Variants in NPAS3 observed in about 807,000 individuals in gnomAD.
NPAS3 encodes neuronal PAS domain-containing protein 3.
A neutral mutation model predicts 73.1 loss-of-function variants in NPAS3; 14 were observed. The ratio of observed to expected loss-of-function variants is 0.19; its 90% CI spans 0.13 to 0.30. The LOEUF (loss-of-function observed/expected upper bound fraction) is 0.30, where lower values mean the gene tolerates loss of function less well. Ranked by LOEUF, NPAS3 falls within the 10% of genes least tolerant of loss-of-function variation. NPAS3 has a pLI of 1.00. For missense variants in NPAS3, 1,096 were observed against 1,250.0 expected (o/e 0.88, Z 1.86); for synonymous variants, 620 against 541.5 (o/e 1.14, Z -2.01).
Position 33,787,215 on chromosome 14 carries a change from T to C in NPAS3, c.1154-6682T>C, listed in dbSNP as rs149160628. ...CTCATGCCAACAATTATTTTGATTC[T>C]CCTTGTCCTAGAACACTAACAGTGT... is the stretch of plus-strand genomic sequence containing the variant. On this transcript the variant is annotated intron_variant, in intron 9 of 11. Transcript: ENST00000356141. Among the ~76,000 whole-genome samples, 863 of 152,310 alleles carry C rather than the reference T, an allele frequency of 5.7e-3. 6 individuals carry two copies. The highest frequency in any genetic ancestry group is 8.8e-3 in the Admixed American group (134 of 15,304).
At chr14:33,602,545 A>C (rs1340338591) in intron 5 of NPAS3, among the ~76,000 whole-genome samples, 1 of 152,016 alleles carries the variant, frequency 6.6e-6, no homozygotes, top group African/African-American at 2.4e-5. Context: ...TCCTGCACGC[A>C]CTCACCTCTT....
Position 33,479,879 on chromosome 14 carries a change from C to A in NPAS3, c.469-80242C>A, listed in dbSNP as rs562383618. Among the ~76,000 whole-genome samples the A allele has an allele frequency of 8.5e-5, 13 of 152,134 alleles. No homozygotes were observed. In the South Asian group the frequency reaches 1.7e-3, roughly 19 times the overall value. On this transcript the variant is annotated intron_variant, in intron 4 of 11. Transcript: ENST00000356141. ...ATTTGTGAAGAATTTCTTGGGGTTT[C>A]AGGCTCTCTAGAACCCCTTGCATGA...
chr14:33,040,719 T>A (rs1036660518), intron 1 of NPAS3, among the ~76,000 whole-genome samples: 6 of 152,220 alleles, frequency 3.9e-5, no homozygotes, highest in African/African-American at 1.4e-4. Flanking sequence ...AACAGGTATG[T>A]GGCTTTATAC....
intron 3 of NPAS3, among the ~76,000 whole-genome samples, chr14:33,254,200 C>T (rs1203250187): frequency 2.0e-5 from 3 of 152,096 alleles, no homozygotes; most frequent in African/African-American, 7.2e-5. Flanking sequence ...CCATAGTCCT[C>T]CGTGGCCTTC....
At chr14:33,727,421 C>T (rs1186750792) in intron 6 of NPAS3, among the ~76,000 whole-genome samples, 2 of 151,860 alleles carry the variant, frequency 1.3e-5, no homozygotes, top group Non-Finnish European at 2.9e-5. Flanking sequence ...AACTATTGAC[C>T]TTTCTGATAT....
At chr14:33,285,718 C>A (rs1275459177) in intron 3 of NPAS3, among the ~76,000 whole-genome samples, 3 of 152,248 alleles carry the variant, frequency 2.0e-5, no homozygotes, top group African/African-American at 7.2e-5. Context: ...GCTTCTCTTT[C>A]TCTGTCTTGA....
intron 2 of NPAS3, among the ~76,000 whole-genome samples, chr14:33,184,724 A>C (rs2045922632): frequency 6.6e-6 from 1 of 152,074 alleles, no homozygotes; most frequent in Admixed American, 6.5e-5. Flanking sequence ...TGGATATCTG[A>C]GATTGTTAGG....
chr14:33,150,323 T>C (rs1433140194), intron 2 of NPAS3, among the ~76,000 whole-genome samples: 1 of 152,248 alleles, frequency 6.6e-6, no homozygotes, highest in Non-Finnish European at 1.5e-5. Context: ...TCATCCTTCA[T>C]CAAAGTTATT....
intron 3 of NPAS3, among the ~76,000 whole-genome samples, chr14:33,344,253 G>A (rs2044626088): frequency 6.6e-6 from 1 of 152,096 alleles, no homozygotes; most frequent in Admixed American, 6.5e-5. Flanking sequence ...GAAAGATGTT[G>A]AATTAAAAAA....
intron 2 of NPAS3, among the ~76,000 whole-genome samples, chr14:33,058,483 G>A (rs1254208631): frequency 6.6e-6 from 1 of 152,170 alleles, no homozygotes; most frequent in Non-Finnish European, 1.5e-5. Flanking sequence ...GTAATTACTA[G>A]TAGATATAGG....
intron 4 of NPAS3, among the ~76,000 whole-genome samples, chr14:33,371,115 G>A (rs2046068432): frequency 1.3e-5 from 2 of 152,166 alleles, no homozygotes; most frequent in Non-Finnish European, 2.9e-5. Context: ...CAGTAAACAT[G>A]AGAAAGGAAT....
In NPAS3 at chr14:33,725,318, A is replaced by C. The variant is rs372026825; in HGVS notation, c.734-9896A>C. ...AAAGTATGGTTATTACCACATAGTAAGCTATGACTTTTTAACATTAAAAGA... is the reference window on the plus strand; with the variant it reads ...AAAGTATGGTTATTACCACATAGTACGCTATGACTTTTTAACATTAAAAGA... On this transcript the variant is annotated intron_variant, in intron 6 of 11. Transcript: ENST00000356141. 2.9e-3 allele frequency among the ~76,000 whole-genome samples: 440 copies of C among 152,244 alleles called. 3 individuals are homozygous for C. The highest frequency in any genetic ancestry group is 9.0e-3 in the African/African-American group (374 of 41,570).
rs79608399 is a variant in NPAS3, at chr14:33,635,185, T to C, written c.559-41026T>C. ...GGTGAGTGTTTTGAGAAGAAAAGAATGGTCAGTAATTTTGAATACTGTGGA... is the reference window on the plus strand; with the variant it reads ...GGTGAGTGTTTTGAGAAGAAAAGAACGGTCAGTAATTTTGAATACTGTGGA... On this transcript the variant is annotated intron_variant, in intron 5 of 11. Transcript: ENST00000356141. Among the ~76,000 whole-genome samples, 1,441 of 152,318 alleles carry C rather than the reference T, an allele frequency of 9.5e-3. 49 individuals carry two copies. In the East Asian group the frequency reaches 0.12, roughly 13 times the overall value.
At chr14:33,125,825 T>C (rs1465795838) in intron 2 of NPAS3, among the ~76,000 whole-genome samples, 1 of 152,184 alleles carries the variant, frequency 6.6e-6, no homozygotes, top group Admixed American at 6.5e-5. Flanking sequence ...TATTACTTAC[T>C]TAAAAATAGT....
intron 5 of NPAS3, among the ~76,000 whole-genome samples, chr14:33,601,274 A>G (rs767026540): frequency 1.3e-5 from 2 of 152,202 alleles, no homozygotes; most frequent in Non-Finnish European, 2.9e-5. Context: ...TCCCGCTTCA[A>G]AGTATTTTCT....
chr14:33,500,572 A>G (rs745526490), intron 4 of NPAS3, among the ~76,000 whole-genome samples: 3 of 151,916 alleles, frequency 2.0e-5, no homozygotes, highest in Non-Finnish European at 2.9e-5. Context: ...TTCCATCAAG[A>G]AAAGAGTTAC....
At chr14:33,154,747 T>G (rs979544517) in intron 2 of NPAS3, among the ~76,000 whole-genome samples, 1 of 152,208 alleles carries the variant, frequency 6.6e-6, no homozygotes, top group Non-Finnish European at 1.5e-5. Flanking sequence ...AACAAACAAA[T>G]ATGACAATTA....
chr14:33,160,641 TA>T lies in NPAS3; in HGVS notation c.141-54528del, dbSNP rs563075717. On this transcript the variant is annotated intron_variant, in intron 2 of 11. Transcript: ENST00000356141. ...TGTACCCTAAAACTTAAAGTATAAT[TA>T]AAAAAAAAAAAAGAAAAGTCTGTGG... Among the ~76,000 whole-genome samples, 733 of 140,870 alleles carry T rather than the reference TA, an allele frequency of 5.2e-3. 6 individuals are homozygous for T. The highest frequency in any genetic ancestry group is 0.011 in the African/African-American group (436 of 38,692). 92.4% of individuals were successfully genotyped at this position (140,870 alleles called of 152,430 possible).
Position 33,414,256 on chromosome 14 carries a change from C to G in NPAS3, c.468+46988C>G, listed in dbSNP as rs190389170. Among the ~76,000 whole-genome samples, 3 of 152,280 alleles carry G rather than the reference C, an allele frequency of 2.0e-5. No individual in the cohort carries two copies. The East Asian group carries it at 5.8e-4, about 29-fold the overall frequency. ...AAACATTCGCTTTCCCTCCTCCCCC[C>G]ACTGTGAGTCAGCAAAATATAAGAG... On this transcript the variant is annotated intron_variant, in intron 4 of 11. Transcript: ENST00000356141.
Sources: allele counts gnomAD v4.1 joint callset (sites outside exome capture counted in the v4.1 genomes callset), GRCh38; gene constraint gnomAD v4.1.1; transcripts MANE v1.5; gene names NCBI Gene and HGNC (gene_info 2026-07-23, HGNC 2026-07-21).